Variants in BAIAP2L1 observed in about 807,000 individuals in gnomAD.
BAIAP2L1 encodes the protein BAR/IMD domain containing adaptor protein 2 like 1, also known as BAR/IMD domain-containing adapter protein 2-like 1.
BAIAP2L1 carries 35 observed loss-of-function variants against 66.3 expected under a neutral mutation model. The ratio of observed to expected loss-of-function variants is 0.53; its 90% CI spans 0.40 to 0.70. The LOEUF (loss-of-function observed/expected upper bound fraction) is 0.70, where lower values mean the gene tolerates loss of function less well. Ranked by LOEUF, BAIAP2L1 falls within the 30% of genes least tolerant of loss-of-function variation. The pLI, the probability that BAIAP2L1 is intolerant of heterozygous loss-of-function variation, is 0.00. For missense variants in BAIAP2L1, 622 were observed against 656.9 expected (o/e 0.95, Z 0.58); for synonymous variants, 269 against 248.7 (o/e 1.08, Z -0.77).
rs576810160 is a variant in BAIAP2L1, at chr7:98,319,329, T to C, written c.348+729A>G. Among the ~76,000 whole-genome samples the C allele has an allele frequency of 3.3e-5, 5 of 152,268 alleles. No homozygotes were observed. In the East Asian group the frequency reaches 7.7e-4, roughly 24 times the overall value. ...AAAAGTGGATAGAGAAGGGGCGCCA[T>C]GCAGGAGCGGTCTCTGCAGATGGGC... On this transcript the variant is annotated intron_variant, in intron 5 of 13. Coordinates refer to ENST00000005260, the MANE Select transcript of BAIAP2L1 (RefSeq NM_018842.5).
At chr7:98,397,321 T>C (rs1803236913) in intron 1 of BAIAP2L1, among the ~76,000 whole-genome samples, 2 of 129,850 alleles carry the variant, frequency 1.5e-5, no homozygotes, top group African/African-American at 6.2e-5. Flanking sequence ...TTAAGCCCTT[T>C]TTTTTTTTTT....
chr7:98,392,389 G>A (rs116273538), intron 1 of BAIAP2L1, among the ~76,000 whole-genome samples: 2,474 of 152,134 alleles, frequency 0.016, 72 homozygotes, highest in African/African-American at 0.057. Flanking sequence ...AGGGAAAGGC[G>A]CACTCTCACA....
intron 1 of BAIAP2L1, among the ~76,000 whole-genome samples, chr7:98,393,999 G>A (rs1803137176): frequency 6.6e-6 from 1 of 151,962 alleles, no homozygotes; most frequent in Admixed American, 6.6e-5. Flanking sequence ...CAGCACTTTG[G>A]GAGGCCAAGG....
At chr7:98,397,051 A>C (rs1341845258) in intron 1 of BAIAP2L1, among the ~76,000 whole-genome samples, 1 of 152,150 alleles carries the variant, frequency 6.6e-6, no homozygotes, top group Non-Finnish European at 1.5e-5. Context: ...CTCACATTCT[A>C]GTTGGGGTGG....
Position 98,307,797 on chromosome 7 carries a change from G to A in BAIAP2L1, c.1055C>T (p.Ala352Val), listed in dbSNP as rs766388826. ...QKVKTIFPHTAGSNKTLLSFA... is the reference protein window; with the variant it reads ...QKVKTIFPHTVGSNKTLLSFA... ...GCTGAGTAAGGTCTTGTTGGAGCCC[G>A]CAGTGTGCGGGAAGATGGTCTTCAC... Residue 352 changes from alanine (A) to valine (V), a missense_variant, in exon 10 of 14, where the codon GCG becomes GTG. Ala to Val is a moderately conservative substitution (Grantham distance 64). Coordinates refer to ENST00000005260, the MANE Select transcript of BAIAP2L1 (RefSeq NM_018842.5). 2.8e-5 allele frequency: 46 copies of A among 1,614,138 alleles called. No individual in the cohort carries two copies. The highest frequency in any genetic ancestry group is 3.6e-5 in the Non-Finnish European group (43 of 1,180,058).
chr7:98,327,578 C>G (rs1231077442), intron 3 of BAIAP2L1, among the ~76,000 whole-genome samples: 1 of 151,848 alleles, frequency 6.6e-6, no homozygotes, highest in Non-Finnish European at 1.5e-5. Flanking sequence ...GAGGCTGAGG[C>G]AGAAGAATCA....
chr7:98,296,578 T>G (rs1031923924), intron 12 of BAIAP2L1, among the ~76,000 whole-genome samples: 1 of 152,136 alleles, frequency 6.6e-6, no homozygotes, highest in Non-Finnish European at 1.5e-5. Context: ...GAGCTGAGAT[T>G]GCACCACTGC....
intron 2 of BAIAP2L1, among the ~76,000 whole-genome samples, chr7:98,359,133 C>A (rs891073682): frequency 1.3e-5 from 2 of 152,198 alleles, no homozygotes; most frequent in Non-Finnish European, 2.9e-5. Flanking sequence ...CCCGGAGGGT[C>A]TGGAGAACTG....
intron 3 of BAIAP2L1, among the ~76,000 whole-genome samples, chr7:98,354,386 G>A (rs1390652494): frequency 6.6e-6 from 1 of 152,074 alleles, no homozygotes; most frequent in African/African-American, 2.4e-5. Flanking sequence ...TTTTCCTCCG[G>A]TTAAGCCAGA....
Position 98,370,047 on chromosome 7 carries a change from A to G in BAIAP2L1, c.52-7615T>C, listed in dbSNP as rs541600326. Reference sequence around the variant, plus strand: ...AAATACGAAGAACAACAAATGAATGAGAACTTCCACAGTTAACACCATACA... The same window carrying G: ...AAATACGAAGAACAACAAATGAATGGGAACTTCCACAGTTAACACCATACA... On this transcript the variant is annotated intron_variant, in intron 1 of 13. Coordinates refer to ENST00000005260, the MANE Select transcript of BAIAP2L1 (RefSeq NM_018842.5). Among the ~76,000 whole-genome samples, 7 of 152,232 alleles carry G rather than the reference A, an allele frequency of 4.6e-5. No individual in the cohort carries two copies. In the East Asian group the frequency reaches 1.4e-3, roughly 29 times the overall value.
At chr7:98,352,141 G>C (rs1035984491) in intron 3 of BAIAP2L1, among the ~76,000 whole-genome samples, 3 of 151,812 alleles carry the variant, frequency 2.0e-5, no homozygotes, top group African/African-American at 7.3e-5. Flanking sequence ...AACAGATACG[G>C]GGTGCCTTTT....
At chr7:98,337,321 T>C (rs1444297299) in intron 3 of BAIAP2L1, among the ~76,000 whole-genome samples, 5 of 151,444 alleles carry the variant, frequency 3.3e-5, no homozygotes, top group Admixed American at 2.6e-4. Context: ...AACCTCCGCC[T>C]CCTGGGTTCA....
intron 3 of BAIAP2L1, among the ~76,000 whole-genome samples, chr7:98,337,061 T>C (rs1366236005): frequency 6.6e-6 from 1 of 152,164 alleles, no homozygotes; most frequent in Non-Finnish European, 1.5e-5. Context: ...TTTCCATTAA[T>C]GCTAATAAAA....
At chr7:98,344,606 G>A (rs560929904) in intron 3 of BAIAP2L1, among the ~76,000 whole-genome samples, 2 of 152,190 alleles carry the variant, frequency 1.3e-5, no homozygotes, top group African/African-American at 4.8e-5. Context: ...ATACTAACTT[G>A]CAAATTTTGC....
intron 2 of BAIAP2L1, chr7:98,355,429 G>A (rs989917296): frequency 5.8e-5 from 22 of 377,914 alleles, no homozygotes; most frequent in African/African-American, 3.0e-4. Flanking sequence ...GAGTGGATGC[G>A]TTCCTAACGT....
chr7:98,374,452 A>G (rs913891364), intron 1 of BAIAP2L1, among the ~76,000 whole-genome samples: 11 of 152,166 alleles, frequency 7.2e-5, no homozygotes, highest in African/African-American at 2.4e-4. Context: ...TGAAGGTCCT[A>G]CCAGCAGCGA....
At chr7:98,398,070 C>A (rs1454673320) in intron 1 of BAIAP2L1, among the ~76,000 whole-genome samples, 1 of 152,014 alleles carries the variant, frequency 6.6e-6, no homozygotes. Context: ...ATTGGAGAAA[C>A]CTGAGTATTT....
chr7:98,355,295 G>T, intron 2 of BAIAP2L1, 167 bp from the exon 3 acceptor site: 3 of 619,644 alleles, frequency 4.8e-6, no homozygotes. Context: ...TGGTGCCGGG[G>T]TGGAGGCCCT....
intron 1 of BAIAP2L1, among the ~76,000 whole-genome samples, chr7:98,374,651 T>G (rs1347121899): frequency 1.3e-5 from 2 of 152,166 alleles, no homozygotes; most frequent in African/African-American, 4.8e-5. Context: ...TTTTAGAAGC[T>G]TTCTTATAAT....
Sources: gnomAD v4.1 joint callset for allele counts (sites outside exome capture counted in the v4.1 genomes callset) on GRCh38, gnomAD v4.1.1 for gene constraint, MANE v1.5 for transcripts, NCBI Gene and HGNC (gene_info 2026-07-23, HGNC 2026-07-21) for gene names.